Variants in DOCK10 observed in about 807,000 individuals in gnomAD.
DOCK10 encodes dedicator of cytokinesis 10.
Under a neutral mutation model 280.1 loss-of-function variants are expected in DOCK10, and 145 were observed. That is an observed-to-expected ratio of 0.52 (90% confidence interval 0.45 to 0.59). The LOEUF (loss-of-function observed/expected upper bound fraction) is 0.59, where lower values mean the gene tolerates loss of function less well. DOCK10 is among the 20% of genes least tolerant of loss of function. The pLI is 0.00. For missense variants in DOCK10, 2,368 were observed against 2,651.7 expected (o/e 0.89, Z 2.35); for synonymous variants, 915 against 942.2 (o/e 0.97, Z 0.53).
intron 1 of DOCK10, among the ~76,000 whole-genome samples, chr2:224,976,341 T>C (rs1164315034): frequency 2.6e-5 from 4 of 152,276 alleles, no homozygotes; most frequent in African/African-American, 7.2e-5. Flanking sequence ...CCATGGCACA[T>C]GTATACCTGT....
intron 26 of DOCK10, among the ~76,000 whole-genome samples, chr2:224,833,512 A>C (rs1574905064): frequency 6.7e-6 from 1 of 149,312 alleles, no homozygotes; most frequent in African/African-American, 2.5e-5. Context: ...CTCAAGAATT[A>C]CCTCCTCCAT....
chr2:224,770,605 T>A lies in DOCK10; in HGVS notation c.6245A>T (p.Glu2082Val), dbSNP rs765132018. Residue 2082 changes from glutamate to valine, a missense_variant, in exon 54 of 56, where the codon GAA (glutamate) becomes GTA (valine). Physicochemically the swap from Glu to Val is moderately radical, Grantham distance 121. Around this residue, in one of 2 missense-constraint regions of DOCK10, gnomAD observed 1,159 missense variants for 1,400.8 expected, o/e 0.83. Transcript: ENST00000258390. The surrounding 1 kb of genome is among the most constrained non-coding windows in gnomAD (Gnocchi z 4.5). Reference sequence around the variant, plus strand: ...AGGGTACTTCTTTGCATTGGTTTCTTCAAGAAAAGCTCGTGCATAGGCCAT... The same window carrying A: ...AGGGTACTTCTTTGCATTGGTTTCTACAAGAAAAGCTCGTGCATAGGCCAT... ...GPMAYARAFL[E>V]ETNAKKYPDN... 5.6e-6 allele frequency: 9 copies of A among 1,614,004 alleles called. No homozygotes were observed. The highest frequency in any genetic ancestry group is 6.8e-6 in the Non-Finnish European group (8 of 1,179,870).
chr2:224,772,242 A>G (rs1397356371), intron 53 of DOCK10, among the ~76,000 whole-genome samples: 1 of 152,180 alleles, frequency 6.6e-6, no homozygotes, highest in Non-Finnish European at 1.5e-5. Flanking sequence ...TTAGGGTCCA[A>G]TATAGCTGTG....
At chr2:224,818,203 T>TA (rs1694268045) in intron 29 of DOCK10, among the ~76,000 whole-genome samples, 1 of 152,178 alleles carries the variant, frequency 6.6e-6, no homozygotes, top group Non-Finnish European at 1.5e-5. Flanking sequence ...AGACCATATA[T>TA]ACAATGGTGG....
chr2:224,998,861 A>G (rs1322540497), intron 1 of DOCK10, among the ~76,000 whole-genome samples: 2 of 152,134 alleles, frequency 1.3e-5, no homozygotes, highest in East Asian at 3.9e-4. Context: ...AATTCTTAGA[A>G]GTGTTTTCTC....
chr2:224,963,914 G>A (rs909961392), intron 1 of DOCK10, among the ~76,000 whole-genome samples: 4 of 150,416 alleles, frequency 2.7e-5, no homozygotes, highest in African/African-American at 9.8e-5. Context: ...GCAAAGGGAA[G>A]AATTTGATGT....
chr2:224,967,370 G>C (rs59384405), intron 1 of DOCK10, among the ~76,000 whole-genome samples: 9 of 152,116 alleles, frequency 5.9e-5, no homozygotes, highest in Non-Finnish European at 1.2e-4. Context: ...GTGAGCCACC[G>C]CGCCCAGCCG....
At chr2:224,804,013 T>G (rs1359224390) in intron 39 of DOCK10, 99 bp downstream of exon 39, 1 of 627,310 alleles carries the variant, frequency 1.6e-6, no homozygotes, top group Non-Finnish European at 2.8e-6. Context: ...TGTGTGTGTG[T>G]GTGTGTGTGT....
intron 3 of DOCK10, among the ~76,000 whole-genome samples, chr2:224,900,138 A>G (rs1700211062): frequency 6.6e-6 from 1 of 152,212 alleles, no homozygotes; most frequent in South Asian, 2.1e-4. Flanking sequence ...ATGTTTGACC[A>G]TGATAAACAT....
chr2:224,941,441 C>T (rs940161596), intron 1 of DOCK10, among the ~76,000 whole-genome samples: 1 of 152,148 alleles, frequency 6.6e-6, no homozygotes, highest in Non-Finnish European at 1.5e-5. Context: ...TATTTCTGCT[C>T]CACTTTTGAG....
intron 1 of DOCK10, among the ~76,000 whole-genome samples, chr2:224,968,347 A>G (rs1044156529): frequency 6.6e-6 from 1 of 152,242 alleles, no homozygotes; most frequent in African/African-American, 2.4e-5. Context: ...TGAATCAAGG[A>G]AAAAGACAAT....
intron 2 of DOCK10, among the ~76,000 whole-genome samples, chr2:224,917,721 A>C (rs1701416646): frequency 6.6e-6 from 1 of 152,238 alleles, no homozygotes; most frequent in Admixed American, 6.5e-5. Context: ...TATATAAAGT[A>C]CTTCTTAAAA....
chr2:224,787,936 A>G (rs1403642771), intron 48 of DOCK10, among the ~76,000 whole-genome samples: 1 of 152,104 alleles, frequency 6.6e-6, no homozygotes, highest in African/African-American at 2.4e-5. Context: ...CCACTCCATT[A>G]TTAGAATACC....
intron 1 of DOCK10, among the ~76,000 whole-genome samples, chr2:224,941,567 G>C (rs1429686089): frequency 6.6e-6 from 1 of 152,128 alleles, no homozygotes; most frequent in Non-Finnish European, 1.5e-5. Context: ...GCTCAGGCCG[G>C]GTGTGGTAGC....
intron 1 of DOCK10, among the ~76,000 whole-genome samples, chr2:224,980,465 G>A (rs796251735): frequency 6.6e-5 from 10 of 152,306 alleles, no homozygotes; most frequent in African/African-American, 2.4e-4. Context: ...ACTTGGGGTA[G>A]GGACTTTTGA....
At chr2:224,824,429 CTT>C (rs869275800) in intron 27 of DOCK10, among the ~76,000 whole-genome samples, 1 of 63,602 alleles carries the variant, frequency 1.6e-5, no homozygotes, top group Non-Finnish European at 2.9e-5. Context: ...TCAGACTCTG[CTT>C]TTTTTTTTTT....
At chr2:224,931,048 A>G (rs748612811) in intron 2 of DOCK10, among the ~76,000 whole-genome samples, 3 of 152,184 alleles carry the variant, frequency 2.0e-5, no homozygotes, top group South Asian at 4.1e-4. Context: ...GAGACCGCCA[A>G]TCTCTCCATG....
chr2:224,783,625 A>T (rs1239113445), intron 50 of DOCK10, among the ~76,000 whole-genome samples: 2 of 152,008 alleles, frequency 1.3e-5, no homozygotes, highest in Admixed American at 1.3e-4. Flanking sequence ...TAAAAAAAAA[A>T]TCAGGTGTAA....
At chr2:225,002,725 CA>C (rs1296072018) in intron 1 of DOCK10, among the ~76,000 whole-genome samples, 1 of 152,218 alleles carries the variant, frequency 6.6e-6, no homozygotes, top group Non-Finnish European at 1.5e-5. Flanking sequence ...TCGTCACCCA[CA>C]GCTTCCAGAA....
Sources: gnomAD v4.1 joint callset for allele counts (sites outside exome capture counted in the v4.1 genomes callset) on GRCh38, gnomAD v4.1.1 for gene constraint, gnomAD v4.1.1 regional missense constraint, Gnocchi (gnomAD v3.1) non-coding constraint, MANE v1.5 for transcripts, NCBI Gene and HGNC (gene_info 2026-07-23, HGNC 2026-07-21) for gene names.